Variants in MTUS2 observed in about 807,000 individuals in gnomAD.
The protein encoded by MTUS2 is microtubule-associated tumor suppressor candidate 2.
In MTUS2, 40 loss-of-function variants were observed where a neutral mutation model predicts 114.1. The observed-to-expected ratio is 0.35, with a 90% CI of 0.27 to 0.46. The LOEUF is 0.46. Ranked by LOEUF, MTUS2 falls within the 20% of genes least tolerant of loss-of-function variation. The pLI, the probability that MTUS2 is intolerant of heterozygous loss-of-function variation, is 1.00. For missense variants in MTUS2, 1,679 were observed against 1,705.4 expected, an observed-to-expected ratio of 0.98 and a Z score of 0.27; for synonymous variants, 688 against 672.0, an observed-to-expected ratio of 1.02 and a Z score of -0.37.
chr13:29,035,375 A>G (rs1887015916), intron 4 of MTUS2, among the ~76,000 whole-genome samples: 1 of 152,126 alleles, frequency 6.6e-6, no homozygotes, highest in African/African-American at 2.4e-5. Flanking sequence ...CTCTGGGACA[A>G]TGAGAGGTTC....
chr13:28,935,570 T>C (rs1361016703), intron 2 of MTUS2, among the ~76,000 whole-genome samples: 1 of 152,188 alleles, frequency 6.6e-6, no homozygotes, highest in Non-Finnish European at 1.5e-5. Context: ...ACAGCAATAA[T>C]GATTACATGC....
At chr13:29,429,931 ATTAAACTGATACC>A (rs1352414529) in intron 8 of MTUS2, among the ~76,000 whole-genome samples, 1 of 152,234 alleles carries the variant, frequency 6.6e-6, no homozygotes, top group African/African-American at 2.4e-5. Context: ...ACCTAGGAAA[ATTAAACTGATACC>A]TTAAAAGTCA....
intron 1 of MTUS2, among the ~76,000 whole-genome samples, chr13:28,827,596 G>A (rs1356347956): frequency 6.6e-6 from 1 of 152,262 alleles, no homozygotes; most frequent in East Asian, 1.9e-4. Flanking sequence ...AGTATCGGGG[G>A]AAATTCAGCC....
At chr13:29,294,711 C>T (rs958268731) in intron 6 of MTUS2, among the ~76,000 whole-genome samples, 1 of 152,156 alleles carries the variant, frequency 6.6e-6, no homozygotes, top group Non-Finnish European at 1.5e-5. Flanking sequence ...CTTCATATTT[C>T]CAGCAATGAT....
At chr13:29,475,078 G>C (rs931880144) in intron 9 of MTUS2, among the ~76,000 whole-genome samples, 3 of 152,138 alleles carry the variant, frequency 2.0e-5, no homozygotes, top group African/African-American at 4.8e-5. Flanking sequence ...CTAAGAAGTG[G>C]TAAGAATGAT....
intron 12 of MTUS2, among the ~76,000 whole-genome samples, chr13:29,495,545 T>G (rs923699636): frequency 6.6e-6 from 1 of 151,920 alleles, no homozygotes; most frequent in Admixed American, 6.6e-5. Context: ...TTCCTATTAT[T>G]TGGTGGGATG....
In MTUS2 at chr13:29,204,837, G is replaced by A. The variant is rs549231257; in HGVS notation, c.2645-76867G>A. ...GAACACTAAAAGCGCGCAAAGCATC[G>A]CTCGCTGGGCACCTGCTGGCCATAG... On this transcript the variant is annotated intron_variant, in intron 5 of 15. Transcript: ENST00000612955. Among the ~76,000 whole-genome samples the A allele has an allele frequency of 2.0e-4, 31 of 152,314 alleles. No homozygotes were observed. In the East Asian group the frequency reaches 4.6e-3, roughly 23 times the overall value.
At chr13:29,401,815 A>G (rs1030173955) in intron 8 of MTUS2, among the ~76,000 whole-genome samples, 1 of 152,236 alleles carries the variant, frequency 6.6e-6, no homozygotes, top group Admixed American at 6.5e-5. Flanking sequence ...AAACATTTTC[A>G]TAAATATTCT....
chr13:29,094,019 A>T (rs9506099), intron 4 of MTUS2, among the ~76,000 whole-genome samples: 102,163 of 152,052 alleles, frequency 0.67, 35,029 homozygotes, highest in Non-Finnish European at 0.74. Flanking sequence ...TGGATTAATT[A>T]TGTATGTAAA....
chr13:29,077,163 C>T lies in MTUS2; in HGVS notation c.2447-23610C>T, dbSNP rs565093431. On this transcript the variant is annotated intron_variant, in intron 4 of 15. Coordinates refer to ENST00000612955, the MANE Select transcript of MTUS2 (RefSeq NM_001033602.4). ...TCTTGCTTTGTTTAATTGTGTCTTT[C>T]TTTTCTCCTTTGGGAGAGCTGTAGC... Among the ~76,000 whole-genome samples the T allele has an allele frequency of 5.3e-5, 8 of 152,228 alleles. No individual in the cohort carries two copies. In the South Asian group the frequency reaches 1.7e-3, roughly 32 times the overall value.
intron 2 of MTUS2, among the ~76,000 whole-genome samples, chr13:28,946,443 C>G (rs1593322595): frequency 6.6e-6 from 1 of 152,030 alleles, no homozygotes; most frequent in Non-Finnish European, 1.5e-5. Flanking sequence ...TTCGGTAGAT[C>G]CTAAGGAAAA....
intron 1 of MTUS2, among the ~76,000 whole-genome samples, chr13:28,827,088 A>T (rs1566160828): frequency 6.6e-6 from 1 of 152,174 alleles, no homozygotes; most frequent in African/African-American, 2.4e-5. Flanking sequence ...AGCCAAACAC[A>T]TTTTTTTGCT....
chr13:28,916,492 T>C (rs1880753542), intron 2 of MTUS2, among the ~76,000 whole-genome samples: 1 of 151,936 alleles, frequency 6.6e-6, no homozygotes, highest in South Asian at 2.1e-4. Context: ...TTTATAGTTT[T>C]TATTGTAGAG....
At chr13:29,249,066 C>T (rs927376814) in intron 5 of MTUS2, among the ~76,000 whole-genome samples, 1 of 152,192 alleles carries the variant, frequency 6.6e-6, no homozygotes, top group Non-Finnish European at 1.5e-5. Context: ...CGACTCACTG[C>T]AACTTCTGAC....
chr13:29,006,855 C>T (rs1885624059), intron 2 of MTUS2, among the ~76,000 whole-genome samples: 1 of 152,132 alleles, frequency 6.6e-6, no homozygotes, highest in Non-Finnish European at 1.5e-5. Flanking sequence ...TAAAGTAGCT[C>T]AGCTTTTCTT....
At chr13:29,261,161 T>G (rs1897457715) in intron 5 of MTUS2, among the ~76,000 whole-genome samples, 1 of 152,216 alleles carries the variant, frequency 6.6e-6, no homozygotes, top group Non-Finnish European at 1.5e-5. Context: ...GAATAAATAC[T>G]ATTTTGACTT....
rs1476323148 is a variant in MTUS2, at chr13:29,025,792, A to T, written c.1094A>T (p.Asn365Ile). 1 of 1,613,990 alleles carries T rather than the reference A, an allele frequency of 6.2e-7. No individual in the cohort carries two copies. The highest frequency in any genetic ancestry group is 1.1e-5 in the South Asian group (1 of 91,080). Reference protein sequence around the residue: ...EATDALGHLLNSDLHHLGVGR... With the variant: ...EATDALGHLLISDLHHLGVGR... Reference sequence around the variant, plus strand: ...ACCGATGCACTTGGCCATCTGCTGAACAGTGACCTCCACCACCTTGGGGTG... The same window carrying T: ...ACCGATGCACTTGGCCATCTGCTGATCAGTGACCTCCACCACCTTGGGGTG... The change falls in exon 3 of 16, where the codon AAC becomes ATC. Residue 365 changes from asparagine (N) to isoleucine (I), a missense_variant. Physicochemically the swap from Asn to Ile is moderately radical, Grantham distance 149. This residue lies in a region of MTUS2 where 843 missense variants were observed against 770.8 expected (regional missense o/e 1.09). Transcript: ENST00000612955.
chr13:28,829,541 A>G (rs1017130052), intron 1 of MTUS2, among the ~76,000 whole-genome samples: 1 of 148,046 alleles, frequency 6.8e-6, no homozygotes, highest in Non-Finnish European at 1.5e-5. Context: ...AAAAAAAAAA[A>G]CAAACAATAA....
intron 6 of MTUS2, among the ~76,000 whole-genome samples, chr13:29,314,388 A>G (rs531855792): frequency 6.6e-6 from 1 of 152,326 alleles, no homozygotes; most frequent in East Asian, 1.9e-4. Flanking sequence ...AGGGAAAACA[A>G]AAGTCAGACA....
Sources: allele counts gnomAD v4.1 joint callset (sites outside exome capture counted in the v4.1 genomes callset), GRCh38; gene constraint gnomAD v4.1.1; regional missense constraint gnomAD v4.1.1; transcripts MANE v1.5; gene names NCBI Gene and HGNC (gene_info 2026-07-23, HGNC 2026-07-21).